SFSWAP: variants seen among roughly 807,000 people sequenced by gnomAD.
The protein encoded by SFSWAP is splicing factor SWAP.
Under a neutral mutation model 100.7 loss-of-function variants are expected in SFSWAP, and 17 were observed. The observed-to-expected ratio is 0.17, with a 90% confidence interval of 0.12 to 0.25. The LOEUF is 0.25. SFSWAP is among the 10% of genes least tolerant of loss of function. SFSWAP has a pLI of 1.00. For synonymous variants in SFSWAP, 504 were observed against 510.1 expected (o/e 0.99, Z 0.16); for missense variants, 1,005 against 1,262.6 (o/e 0.80, Z 3.09).
chr12:131,787,217 G>A (rs1332295285), intron 15 of SFSWAP, among the ~76,000 whole-genome samples: 2 of 152,168 alleles, frequency 1.3e-5, no homozygotes, highest in Non-Finnish European at 2.9e-5. Flanking sequence ...AGGGTGCCAC[G>A]GGCTCACCCC....
intron 3 of SFSWAP, among the ~76,000 whole-genome samples, 176 bp from the exon 4 acceptor site, chr12:131,719,278 A>C (rs189240034): frequency 7.1e-4 from 108 of 152,020 alleles, no homozygotes; most frequent in African/African-American, 2.5e-3. Context: ...AATTTTGTAA[A>C]GTGAGTTTCA....
intron 13 of SFSWAP, among the ~76,000 whole-genome samples, chr12:131,770,643 A>G (rs897187355): frequency 3.3e-5 from 5 of 152,170 alleles, no homozygotes; most frequent in African/African-American, 7.2e-5. Flanking sequence ...TCCTGTGGAA[A>G]TGGCACTTTT....
At chr12:131,797,443 C>T (rs1026253289) in intron 16 of SFSWAP, 83 bp downstream of exon 16, 238 of 1,259,388 alleles carry the variant, frequency 1.9e-4, no homozygotes, top group Non-Finnish European at 2.3e-4. Flanking sequence ...GAGTCCTTGC[C>T]TATGTCAGTA....
intron 6 of SFSWAP, among the ~76,000 whole-genome samples, chr12:131,727,519 C>T (rs1286944235): frequency 2.6e-5 from 4 of 152,148 alleles, no homozygotes; most frequent in East Asian, 1.9e-4. Context: ...GGTGGGTACA[C>T]CTGTAGTTCC....
intron 11 of SFSWAP, 26 bp from the exon 12 acceptor site, chr12:131,764,430 T>C: frequency 6.3e-7 from 1 of 1,584,810 alleles, no homozygotes; most frequent in Non-Finnish European, 8.7e-7. Flanking sequence ...GTAACATGTA[T>C]CATAATTCTC....
At chr12:131,748,084 C>G (rs1353345928) in intron 7 of SFSWAP, among the ~76,000 whole-genome samples, 2 of 152,214 alleles carry the variant, frequency 1.3e-5, no homozygotes, top group Non-Finnish European at 2.9e-5. Context: ...GTTCCTGCCT[C>G]TCAGATGTGC....
At chr12:131,753,909 G>A (rs1243434016) in intron 8 of SFSWAP, among the ~76,000 whole-genome samples, 1 of 152,138 alleles carries the variant, frequency 6.6e-6, no homozygotes, top group Admixed American at 6.5e-5. Context: ...CAGTGGGCCT[G>A]GAATGCCCTG....
chr12:131,781,484 G>A (rs929753042), intron 14 of SFSWAP, among the ~76,000 whole-genome samples: 22 of 151,980 alleles, frequency 1.4e-4, no homozygotes, highest in African/African-American at 4.1e-4. Context: ...TGATCCACCC[G>A]CCTCGGCCTC....
At chr12:131,766,014 TTAAC>T (rs1422613847) in intron 12 of SFSWAP, 100 bp from the exon 13 acceptor site, 38 of 1,171,704 alleles carry the variant, frequency 3.2e-5, no homozygotes, top group African/African-American at 2.8e-4. Context: ...TTCAGAAACT[TTAAC>T]TAACTGCATT....
chr12:131,799,178 AT>A (rs1442105787), intron 17 of SFSWAP, 69 bp downstream of exon 17: 3 of 1,294,680 alleles, frequency 2.3e-6, no homozygotes, highest in African/African-American at 2.9e-5. Context: ...TCTGTTGCTA[AT>A]TTTCATTCCC....
chr12:131,795,532 T>C (rs1593199531), intron 15 of SFSWAP, among the ~76,000 whole-genome samples: 1 of 152,028 alleles, frequency 6.6e-6, no homozygotes, highest in African/African-American at 2.4e-5. Context: ...CTCGATGGGG[T>C]CTGCACCCCA....
intron 11 of SFSWAP, among the ~76,000 whole-genome samples, chr12:131,761,205 A>G (rs574625571): frequency 2.6e-5 from 4 of 152,260 alleles, no homozygotes; most frequent in South Asian, 2.1e-4. Context: ...CAATTGATCT[A>G]TTTGCTCATA....
chr12:131,721,739 A>G (rs1054813020), intron 4 of SFSWAP, among the ~76,000 whole-genome samples: 1 of 152,238 alleles, frequency 6.6e-6, no homozygotes, highest in Non-Finnish European at 1.5e-5. Context: ...CAGATCAAAC[A>G]TACTTGTCAC....
At chr12:131,735,136 G>C (rs1368809650) in intron 7 of SFSWAP, among the ~76,000 whole-genome samples, 1 of 152,188 alleles carries the variant, frequency 6.6e-6, no homozygotes, top group African/African-American at 2.4e-5. Context: ...TGGGTCTGGG[G>C]GACAAGGGAA....
chr12:131,788,760 C>T (rs1885061399), intron 15 of SFSWAP, among the ~76,000 whole-genome samples: 1 of 152,062 alleles, frequency 6.6e-6, no homozygotes, highest in South Asian at 2.1e-4. Flanking sequence ...GGATTGCAGA[C>T]ATGAGCTCCC....
At chr12:131,780,794 CT>C (rs1370349294) in intron 14 of SFSWAP, among the ~76,000 whole-genome samples, 3 of 152,330 alleles carry the variant, frequency 2.0e-5, no homozygotes, top group African/African-American at 4.8e-5. Flanking sequence ...CCCAATTTTC[CT>C]TTTCTACAGG....
intron 11 of SFSWAP, among the ~76,000 whole-genome samples, chr12:131,759,784 A>G (rs1223270500): frequency 3.3e-5 from 5 of 151,782 alleles, no homozygotes; most frequent in African/African-American, 1.2e-4. Flanking sequence ...CCTGGGTGAC[A>G]GAGCGAGACT....
At chr12:131,766,434 C>T (rs1310058126) in intron 13 of SFSWAP, 126 bp downstream of exon 13, 2 of 849,680 alleles carry the variant, frequency 2.4e-6, no homozygotes, top group East Asian at 2.4e-5. Context: ...AGCTCTTCCT[C>T]CCGACATGGT....
intron 7 of SFSWAP, among the ~76,000 whole-genome samples, chr12:131,747,491 T>G (rs1881241898): frequency 6.6e-6 from 1 of 152,200 alleles, no homozygotes; most frequent in African/African-American, 2.4e-5. Flanking sequence ...GCAGGAGGGC[T>G]TCCCAGACAA....
Sources: gnomAD v4.1 joint callset for allele counts (sites outside exome capture counted in the v4.1 genomes callset) on GRCh38, gnomAD v4.1.1 for gene constraint, MANE v1.5 for transcripts, NCBI Gene and HGNC (gene_info 2026-07-23, HGNC 2026-07-21) for gene names.